The following VTI1A variants were observed in gnomAD, a reference collection of about 807,000 sequenced individuals.
The protein encoded by VTI1A is vesicle transport through interaction with t-SNAREs homolog 1A.
Under a neutral mutation model 34.9 loss-of-function variants are expected in VTI1A, and 22 were observed. The observed-to-expected ratio is 0.63, with a 90% CI of 0.45 to 0.90. VTI1A has a LOEUF of 0.90. Ranked by LOEUF, VTI1A falls within the 40% of genes least tolerant of loss-of-function variation. The pLI is 0.00. For synonymous variants in VTI1A, 87 were observed against 97.3 expected (o/e 0.89, Z 0.62); for missense variants, 268 against 275.6 (o/e 0.97, Z 0.20).
intron 3 of VTI1A, among the ~76,000 whole-genome samples, chr10:112,517,036 G>C (rs934339433): frequency 1.3e-5 from 2 of 152,078 alleles, no homozygotes; most frequent in Non-Finnish European, 2.9e-5. Flanking sequence ...CAATAGGTAT[G>C]AATGAGATCA....
intron 5 of VTI1A, among the ~76,000 whole-genome samples, chr10:112,580,942 T>C (rs1386021624): frequency 2.0e-5 from 3 of 152,192 alleles, no homozygotes; most frequent in African/African-American, 7.2e-5. Context: ...TATAGCCTGA[T>C]AGTCCATAGC....
chr10:112,810,954 G>C (rs1404477200), intron 7 of VTI1A, among the ~76,000 whole-genome samples: 1 of 151,208 alleles, frequency 6.6e-6, no homozygotes, highest in Non-Finnish European at 1.5e-5. Flanking sequence ...TGTTCTTCAA[G>C]AAAAAAAAAA....
chr10:112,671,498 A>G (rs1352479874), intron 7 of VTI1A, among the ~76,000 whole-genome samples: 1 of 152,254 alleles, frequency 6.6e-6, no homozygotes, highest in Non-Finnish European at 1.5e-5. Context: ...ATTCTGTAGT[A>G]TACCAAACCA....
chr10:112,612,722 C>T (rs1412025440), intron 5 of VTI1A, among the ~76,000 whole-genome samples: 5 of 152,180 alleles, frequency 3.3e-5, no homozygotes, highest in Admixed American at 2.6e-4. Context: ...CCATGCCCAA[C>T]CCACAAGTAC....
intron 7 of VTI1A, among the ~76,000 whole-genome samples, chr10:112,687,948 CTTTTTTT>C (rs11442025): frequency 2.6e-5 from 3 of 115,574 alleles, no homozygotes; most frequent in African/African-American, 1.0e-4. Context: ...GTGACCAAGT[CTTTTTTT>C]TTTTTTTTTT....
chr10:112,581,370 A>G (rs975288376), intron 5 of VTI1A, among the ~76,000 whole-genome samples: 3 of 152,154 alleles, frequency 2.0e-5, no homozygotes, highest in Non-Finnish European at 2.9e-5. Context: ...CTTTTAAATT[A>G]TCTCTGTTAC....
At chr10:112,579,788 A>G (rs1843852201) in intron 5 of VTI1A, among the ~76,000 whole-genome samples, 1 of 152,210 alleles carries the variant, frequency 6.6e-6, no homozygotes. Context: ...GGGAGAAAGT[A>G]AGTGAAGAGA....
At chr10:112,604,849 CACTT>C (rs1297892550) in intron 5 of VTI1A, among the ~76,000 whole-genome samples, 3 of 151,980 alleles carry the variant, frequency 2.0e-5, no homozygotes, top group South Asian at 2.1e-4. Context: ...CAGTTTTACT[CACTT>C]AGGTAAATGA....
chr10:112,792,355 G>A (rs771031874), intron 7 of VTI1A, among the ~76,000 whole-genome samples: 7 of 152,208 alleles, frequency 4.6e-5, no homozygotes, highest in African/African-American at 1.2e-4. Context: ...GTGTCCCAAC[G>A]TCTCATGCTT....
chr10:112,725,747 A>G lies in VTI1A; in HGVS notation c.560+56749A>G, dbSNP rs1464316178. On this transcript the variant is annotated intron_variant, in intron 7 of 7. Transcript: ENST00000393077. ...CCTCTGTTTATTAAATAGTTTTCAGATTATTGAATGGCACCAGCAACCTGC... is the reference window on the plus strand; with the variant it reads ...CCTCTGTTTATTAAATAGTTTTCAGGTTATTGAATGGCACCAGCAACCTGC... 2.0e-5 allele frequency among the ~76,000 whole-genome samples: 3 copies of G among 152,228 alleles called. No individual in the cohort carries two copies. The East Asian group carries it at 5.8e-4, about 29-fold the overall frequency.
chr10:112,657,779 T>C (rs1200069640), intron 5 of VTI1A, among the ~76,000 whole-genome samples: 1 of 151,530 alleles, frequency 6.6e-6, no homozygotes, highest in African/African-American at 2.4e-5. Context: ...AGTTAAAAAC[T>C]TTTATATATC....
At chr10:112,810,899 G>A (rs2134088041) in intron 7 of VTI1A, among the ~76,000 whole-genome samples, 1 of 152,146 alleles carries the variant, frequency 6.6e-6, no homozygotes, top group Middle Eastern at 3.4e-3. Context: ...GTGACCAAGA[G>A]GTCAGAAGAG....
At chr10:112,555,856 G>A (rs1173715615) in intron 5 of VTI1A, among the ~76,000 whole-genome samples, 1 of 151,938 alleles carries the variant, frequency 6.6e-6, no homozygotes, top group African/African-American at 2.4e-5. Context: ...TGGACATGGT[G>A]GTCATTTATC....
chr10:112,483,283 A>G lies in VTI1A; in HGVS notation c.264+18626A>G, dbSNP rs1327063111. Among the ~76,000 whole-genome samples the G allele has an allele frequency of 3.3e-5, 5 of 152,180 alleles. No homozygotes were observed. The East Asian group carries it at 9.6e-4, about 29-fold the overall frequency. ...TGCCAGTTCTCCAATTAAAAAAAAA[A>G]TCCATAAAGAGCTGCTCAGCTGCAG... On this transcript the variant is annotated intron_variant, in intron 3 of 7. Coordinates refer to ENST00000393077, the MANE Select transcript of VTI1A (RefSeq NM_145206.4).
intron 3 of VTI1A, among the ~76,000 whole-genome samples, chr10:112,516,419 T>C (rs578073815): frequency 3.5e-4 from 54 of 152,214 alleles, no homozygotes; most frequent in African/African-American, 1.2e-3. Context: ...TTGAATATAT[T>C]TGCTTTCTAT....
At chr10:112,784,695 A>G (rs1333739256) in intron 7 of VTI1A, among the ~76,000 whole-genome samples, 1 of 152,186 alleles carries the variant, frequency 6.6e-6, no homozygotes, top group Non-Finnish European at 1.5e-5. Context: ...TTGTCTACAA[A>G]CGGCAAACCT....
chr10:112,538,124 G>C lies in VTI1A; in HGVS notation c.343-122G>C, dbSNP rs1850715920. 19 of 729,024 alleles carry C rather than the reference G, an allele frequency of 2.6e-5. No individual in the cohort carries two copies. The South Asian group carries it at 3.5e-4, about 13-fold the overall frequency. The allele number at this position is 729,024 out of a possible 1,614,324, so 45.2% of individuals were successfully genotyped here. Reference sequence around the variant, plus strand: ...ATGGAAAATTTGCTAAAAATTAACTGTAATGGGTTGCGAACCCCCCCACCC... The same window carrying C: ...ATGGAAAATTTGCTAAAAATTAACTCTAATGGGTTGCGAACCCCCCCACCC... On this transcript the variant is annotated intron_variant, in intron 4 of 7. Coordinates refer to ENST00000393077, the MANE Select transcript of VTI1A (RefSeq NM_145206.4).
Position 112,731,444 on chromosome 10 carries a change from A to G in VTI1A, c.560+62446A>G, listed in dbSNP as rs569002470. 1.1e-3 allele frequency among the ~76,000 whole-genome samples: 166 copies of G among 152,186 alleles called. 1 individual carries two copies. The highest frequency in any genetic ancestry group is 3.9e-3 in the African/African-American group (162 of 41,550). On this transcript the variant is annotated intron_variant, in intron 7 of 7. Transcript: ENST00000393077. The stretch of plus-strand genomic sequence containing the variant: ...AAAAAAATTAGCCAGGCATGGTGGC[A>G]GGCACCTGTAATCCCAGCTACTCAG...
In VTI1A at chr10:112,672,959, GAT is replaced by G. The variant is rs1296365556; in HGVS notation, c.560+3964_560+3965del. On this transcript the variant is annotated intron_variant, in intron 7 of 7. Transcript: ENST00000393077. ...GAGCTCCACTGACAAAAATTTACAG[GAT>G]ATGTTACTACTTTACCTTGGCTCCT... Among the ~76,000 whole-genome samples the G allele has an allele frequency of 2.6e-5, 4 of 152,022 alleles. 1 individual carries two copies. Among genetic ancestry groups the G allele is most frequent in the Non-Finnish European group, 5.9e-5 (4 of 68,016 alleles).
Sources: gnomAD v4.1 joint callset for allele counts (sites outside exome capture counted in the v4.1 genomes callset) on GRCh38, gnomAD v4.1.1 for gene constraint, MANE v1.5 for transcripts, NCBI Gene and HGNC (gene_info 2026-07-23, HGNC 2026-07-21) for gene names.